The following CACNA1I variants were observed in gnomAD, a reference collection of about 807,000 sequenced individuals.
CACNA1I encodes the protein calcium voltage-gated channel subunit alpha1 I.
In CACNA1I, 74 loss-of-function variants were observed where a neutral mutation model predicts 201.6. That is an observed-to-expected ratio of 0.37 (90% confidence interval 0.30 to 0.45). CACNA1I has a LOEUF of 0.45. CACNA1I is among the 20% of genes least tolerant of loss of function. The pLI is 1.00. For missense variants in CACNA1I, 2,346 were observed against 3,138.1 expected (o/e 0.75, Z 6.03); for synonymous variants, 1,431 against 1,345.2 (o/e 1.06, Z -1.40).
intron 1 of CACNA1I, among the ~76,000 whole-genome samples, chr22:39,575,921 C>T (rs190363280): frequency 6.2e-4 from 94 of 152,180 alleles, no homozygotes; most frequent in African/African-American, 2.1e-3. Context: ...ATTACAGAAG[C>T]GCACCACCAT....
At chr22:39,672,921 T>A in intron 27 of CACNA1I, 28 bp from the exon 28 acceptor site, 1 of 1,602,272 alleles carries the variant, frequency 6.2e-7, no homozygotes, top group Non-Finnish European at 8.5e-7. Flanking sequence ...TCATGCCCAC[T>A]CCTGCCCTCC....
chr22:39,665,391 G>T lies in CACNA1I; in HGVS notation c.3852-107G>T. Reference sequence around the variant, plus strand: ...GGGTGTTCAGCCCTGGTGAGCCCTGGGGACTCATGCCCTGGGATACTCAGC... The same window carrying T: ...GGGTGTTCAGCCCTGGTGAGCCCTGTGGACTCATGCCCTGGGATACTCAGC... On this transcript the variant is annotated intron_variant, in intron 21 of 36. Transcript: ENST00000402142. The surrounding 1 kb of genome is among the most constrained non-coding windows in gnomAD (Gnocchi z 5.5). The T allele has an allele frequency of 2.2e-6, 3 of 1,357,182 alleles. No homozygotes were observed. The highest frequency in any genetic ancestry group is 3.0e-6 in the Non-Finnish European group (3 of 986,696). 84.1% of individuals were successfully genotyped at this position (1,357,182 alleles called of 1,614,324 possible). A position where few individuals can be genotyped will look rare whatever the true frequency, so the allele number is the denominator to read the frequency against.
At chr22:39,634,859 G>C (rs1934164153) in intron 5 of CACNA1I, 135 bp downstream of exon 5, 1 of 780,764 alleles carries the variant, frequency 1.3e-6, no homozygotes, top group Admixed American at 2.9e-5. Context: ...GGAGGGGAAA[G>C]GGAAGTTAAG....
chr22:39,607,192 C>T (rs780290318), intron 3 of CACNA1I, among the ~76,000 whole-genome samples: 44 of 152,188 alleles, frequency 2.9e-4, no homozygotes, highest in Admixed American at 6.5e-4. Flanking sequence ...ACAGGAGGCG[C>T]CTTACATCTG....
intron 8 of CACNA1I, 124 bp downstream of exon 8, chr22:39,647,005 C>G: frequency 1.5e-6 from 2 of 1,372,656 alleles, no homozygotes; most frequent in Non-Finnish European, 1.9e-6. Context: ...TCAAGTGTTT[C>G]CTTCACAGCC....
chr22:39,661,961 C>G lies in CACNA1I; in HGVS notation c.2902-4C>G. On this transcript the variant is annotated splice_region_variant and splice_polypyrimidine_tract_variant and intron_variant, in intron 16 of 36. Transcript: ENST00000402142. The stretch of plus-strand genomic sequence containing the variant: ...GCGCTGACCCGAACGGGAACTCCTT[C>G]CAGTCCAGCTCCCGGAGCTCCTACT... 6.6e-7 allele frequency: 1 copy of G among 1,515,740 alleles called. No individual in the cohort carries two copies. Among genetic ancestry groups the G allele is most frequent in the Non-Finnish European group, 8.8e-7 (1 of 1,136,532 alleles). 93.9% of individuals were successfully genotyped at this position (1,515,740 alleles called of 1,614,324 possible).
intron 1 of CACNA1I, among the ~76,000 whole-genome samples, chr22:39,593,472 G>A (rs796680109): frequency 6.6e-6 from 1 of 152,202 alleles, no homozygotes; most frequent in South Asian, 2.1e-4. Context: ...TCAAGAAGAG[G>A]TGACCTGCGA....
intron 21 of CACNA1I, 27 bp downstream of exon 21, chr22:39,664,950 G>A (rs200132828): frequency 1.1e-3 from 1,688 of 1,604,592 alleles, no homozygotes; most frequent in Non-Finnish European, 1.3e-3. Context: ...GGCGGATGGG[G>A]GAAAGTGTCA....
At position 39,659,924 on chromosome 22, in the gene CACNA1I, G is replaced by T; in HGVS notation, c.2604+72G>T. 2 of 1,564,370 alleles carry T rather than the reference G, an allele frequency of 1.3e-6. No individual in the cohort carries two copies. The highest frequency in any genetic ancestry group is 2.2e-5 in the South Asian group (2 of 89,564). On this transcript the variant is annotated intron_variant, in intron 14 of 36. Coordinates refer to ENST00000402142, the MANE Select transcript of CACNA1I (RefSeq NM_021096.4). This position sits in a 1 kb window ranked among gnomAD's most constrained non-coding sequence, Gnocchi z 4.3. ...AGACTGGGCGAGGGAGAGGTGGCCT[G>T]GATGGGGGAGGGCTGCAATTCAAAC...
Position 39,682,579 on chromosome 22 carries a change from G to C in CACNA1I, c.5748G>C (p.Pro1916=), listed in dbSNP as rs61065928. The C allele has an allele frequency of 3.1e-6, 5 of 1,613,650 alleles. No homozygotes were observed. Among genetic ancestry groups the C allele is most frequent in the Middle Eastern group, 1.7e-4 (1 of 6,060 alleles). ...CCTTGTCCTCTACGGCCGTCTCGCCGGATCCAGAGAACTTCCTGTGTGAGA... is the reference window on the plus strand; with the variant it reads ...CCTTGTCCTCTACGGCCGTCTCGCCCGATCCAGAGAACTTCCTGTGTGAGA... ...FFPLSSTAVS[P]DPENFLCEME... Residue 1916 remains proline (P), a synonymous_variant, in exon 35 of 37, where the codon CCG becomes CCC. Coordinates refer to ENST00000402142, the MANE Select transcript of CACNA1I (RefSeq NM_021096.4).
intron 3 of CACNA1I, among the ~76,000 whole-genome samples, chr22:39,618,033 G>A (rs1933597740): frequency 1.3e-5 from 2 of 151,952 alleles, no homozygotes; most frequent in Admixed American, 6.6e-5. Context: ...GTGTGCAGGT[G>A]TGCAGTTGTG....
chr22:39,625,494 C>T (rs1455056270), intron 4 of CACNA1I, among the ~76,000 whole-genome samples: 1 of 152,148 alleles, frequency 6.6e-6, no homozygotes, highest in Non-Finnish European at 1.5e-5. Context: ...CTCGGTTTCC[C>T]TACTCGTACA....
At chr22:39,620,458 G>T (rs887181693) in intron 4 of CACNA1I, among the ~76,000 whole-genome samples, 1 of 152,160 alleles carries the variant, frequency 6.6e-6, no homozygotes, top group African/African-American at 2.4e-5. Flanking sequence ...ATTAAGAGAG[G>T]TTATCTTGCA....
chr22:39,628,825 T>A (rs1217667695), intron 4 of CACNA1I, among the ~76,000 whole-genome samples: 1 of 152,008 alleles, frequency 6.6e-6, no homozygotes, highest in Non-Finnish European at 1.5e-5. Flanking sequence ...CAGCCTCGGC[T>A]CCCCTCGCCC....
chr22:39,662,977 AC>A, intron 18 of CACNA1I, 101 bp downstream of exon 18: 1 of 784,986 alleles, frequency 1.3e-6, no homozygotes, highest in Non-Finnish European at 2.1e-6. Flanking sequence ...GCTCTCCCAG[AC>A]CACAGCGGAC....
intron 1 of CACNA1I, among the ~76,000 whole-genome samples, chr22:39,597,165 A>G (rs1028625784): frequency 6.6e-6 from 1 of 152,176 alleles, no homozygotes; most frequent in African/African-American, 2.4e-5. Flanking sequence ...CCCAGGACTC[A>G]GTCAACTGGA....
At position 39,665,634 on chromosome 22, in the gene CACNA1I, G is replaced by A. The variant is rs1436124794; in HGVS notation, c.3978+10G>A. On this transcript the variant is annotated intron_variant, in intron 22 of 36. Transcript: ENST00000402142. The surrounding 1 kb of genome is among the most constrained non-coding windows in gnomAD (Gnocchi z 5.5). ...CATCCTGGGAGTGCAGGTGAGGGGT[G>A]CCCAGTCTGGGCAGGGACTGGGCTC... The A allele has an allele frequency of 6.2e-7, 1 of 1,613,338 alleles. No homozygotes were observed. Among genetic ancestry groups the A allele is most frequent in the Non-Finnish European group, 8.5e-7 (1 of 1,179,538 alleles).
In CACNA1I at chr22:39,684,739, G is replaced by C; in HGVS notation, c.6027+241G>C. ...CAGCAGAGTGTGGGGAGGACCCCAAGGCGGGTCTGGAAGAGGCCTGTGATC... is the reference window on the plus strand; with the variant it reads ...CAGCAGAGTGTGGGGAGGACCCCAACGCGGGTCTGGAAGAGGCCTGTGATC... On this transcript the variant is annotated intron_variant, in intron 36 of 36. Coordinates refer to ENST00000402142, the MANE Select transcript of CACNA1I (RefSeq NM_021096.4). The surrounding 1 kb of genome is among the most constrained non-coding windows in gnomAD (Gnocchi z 4.6). 1.7e-6 allele frequency: 1 copy of C among 602,598 alleles called. No individual in the cohort carries two copies. Among genetic ancestry groups the C allele is most frequent in the Non-Finnish European group, 3.0e-6 (1 of 338,942 alleles). 37.3% of individuals were successfully genotyped at this position (602,598 alleles called of 1,614,324 possible).
chr22:39,634,566 T>C lies in CACNA1I; in HGVS notation c.582T>C (p.Ser194=). ...RPLKAINRVP[S]MRILVNLLLD... is the part of the protein sequence containing the mutation. ...TCCCTCCACCTTTTCCCCTCCCAGG[T>C]ATGCGGATCCTGGTGAACCTGCTCC... Residue 194 remains serine, a splice_region_variant and synonymous_variant, in exon 5 of 37, where the codon AGT becomes AGC. Transcript: ENST00000402142. 6.2e-7 allele frequency: 1 copy of C among 1,613,714 alleles called. No homozygotes were observed. Among genetic ancestry groups the C allele is most frequent in the Non-Finnish European group, 8.5e-7 (1 of 1,179,794 alleles).
Sources: gnomAD v4.1 joint callset for allele counts (sites outside exome capture counted in the v4.1 genomes callset) on GRCh38, gnomAD v4.1.1 for gene constraint, Gnocchi (gnomAD v3.1) non-coding constraint, MANE v1.5 for transcripts, NCBI Gene and HGNC (gene_info 2026-07-23, HGNC 2026-07-21) for gene names.